The following ELSPBP1 variants were observed in gnomAD, a reference collection of about 807,000 sequenced individuals.
The protein encoded by ELSPBP1 is epididymal sperm-binding protein 1.
ELSPBP1 carries 38 observed loss-of-function variants against 33.3 expected under a neutral mutation model. That is an observed-to-expected ratio of 1.14 (90% CI 0.88 to 1.50). The LOEUF is 1.50. Ranked by LOEUF, ELSPBP1 falls within the 40% of genes most tolerant of loss-of-function variation. The pLI is 0.00. For synonymous variants in ELSPBP1, 85 were observed against 94.1 expected (o/e 0.90, Z 0.56); for missense variants, 267 against 263.5 (o/e 1.01, Z -0.09).
intron 4 of ELSPBP1, among the ~76,000 whole-genome samples, chr19:48,019,078 C>T (rs533241455): frequency 3.3e-5 from 5 of 152,150 alleles, no homozygotes; most frequent in East Asian, 1.9e-4. Context: ...CTCTTGAACC[C>T]GGGAAGTGGA....
chr19:48,016,917 C>T (rs951878462), intron 4 of ELSPBP1, among the ~76,000 whole-genome samples: 1 of 152,098 alleles, frequency 6.6e-6, no homozygotes, highest in Non-Finnish European at 1.5e-5. Context: ...CATTTCAATG[C>T]AGCCTAACAT....
chr19:48,019,822 C>T lies in ELSPBP1; in HGVS notation c.459C>T (p.Cys153=). ...AGGATGAAAGCAACAAGCTCTGGTGCCCAACCACAGAGAACATGGATAAGG... is the reference window on the plus strand; with the variant it reads ...AGGATGAAAGCAACAAGCTCTGGTGTCCAACCACAGAGAACATGGATAAGG... ...CMEDESNKLW[C]PTTENMDKDG... is the part of the protein sequence containing the mutation. The change falls in exon 5 of 7, where the codon TGC becomes TGT. Residue 153 remains cysteine (C), a synonymous_variant. Transcript: ENST00000339841. The T allele has an allele frequency of 6.2e-7, 1 of 1,613,976 alleles. No homozygotes were observed. Among genetic ancestry groups the T allele is most frequent in the Non-Finnish European group, 8.5e-7 (1 of 1,179,986 alleles).
intron 4 of ELSPBP1, among the ~76,000 whole-genome samples, chr19:48,016,920 C>A (rs895086184): frequency 6.6e-6 from 1 of 152,108 alleles, no homozygotes; most frequent in Admixed American, 6.6e-5. Context: ...TTCAATGCAG[C>A]CTAACATCAT....
intron 6 of ELSPBP1, among the ~76,000 whole-genome samples, chr19:48,024,036 A>ATTTTTT (rs111833936): frequency 1.5e-5 from 2 of 131,912 alleles, no homozygotes; most frequent in Non-Finnish European, 1.6e-5. Flanking sequence ...ATGCCCAGCA[A>ATTTTTT]TTTTTTTTTT....
At chr19:48,005,382 A>G (rs903356896) in intron 1 of ELSPBP1, among the ~76,000 whole-genome samples, 9 of 152,170 alleles carry the variant, frequency 5.9e-5, no homozygotes, top group African/African-American at 2.2e-4. Flanking sequence ...AAAAGCGGAT[A>G]GATTCAGGAG....
intron 4 of ELSPBP1, among the ~76,000 whole-genome samples, chr19:48,018,072 T>C (rs552834970): frequency 3.9e-5 from 6 of 152,152 alleles, no homozygotes; most frequent in Non-Finnish European, 8.8e-5. Context: ...CAAGAAGAGA[T>C]ACCTTTTAGC....
At chr19:48,008,368 G>A (rs1967043554) in intron 1 of ELSPBP1, among the ~76,000 whole-genome samples, 1 of 152,096 alleles carries the variant, frequency 6.6e-6, no homozygotes, top group African/African-American at 2.4e-5. Context: ...GAATAGCTGG[G>A]ACCACAGGCA....
chr19:48,014,006 C>T (rs778970574), intron 2 of ELSPBP1, among the ~76,000 whole-genome samples, 165 bp from the exon 3 acceptor site: 6 of 152,126 alleles, frequency 3.9e-5, no homozygotes, highest in African/African-American at 1.2e-4. Context: ...CCAAAGGCCC[C>T]TCGTACCATG....
intron 1 of ELSPBP1, among the ~76,000 whole-genome samples, chr19:48,005,942 A>G (rs60764771): frequency 0.14 from 21,508 of 151,984 alleles, 1,924 homozygotes; most frequent in East Asian, 0.35. Context: ...GTAGCACTCA[A>G]TGAGTTTTAT....
In ELSPBP1 at chr19:47,995,841, T is replaced by C. The variant is rs115886210; in HGVS notation, c.-18+1030T>C. ...TTCCCAAGGCCACCCAGTTGAAACA[T>C]GGGAGAGGTAGGATTTGAACCCTGG... On this transcript the variant is annotated intron_variant, in intron 1 of 6. Coordinates refer to ENST00000339841, the MANE Select transcript of ELSPBP1 (RefSeq NM_022142.5). 3.9e-3 allele frequency among the ~76,000 whole-genome samples: 591 copies of C among 152,204 alleles called. 1 individual carries two copies. Among genetic ancestry groups the C allele is most frequent in the African/African-American group, 0.014 (564 of 41,534 alleles).
chr19:48,013,754 T>C (rs1967101180), intron 2 of ELSPBP1, among the ~76,000 whole-genome samples: 1 of 151,382 alleles, frequency 6.6e-6, no homozygotes, highest in South Asian at 2.1e-4. Flanking sequence ...ATTTAAAAAG[T>C]ACCATTGACT....
At chr19:48,000,049 C>A (rs1440829008) in intron 1 of ELSPBP1, among the ~76,000 whole-genome samples, 1 of 151,960 alleles carries the variant, frequency 6.6e-6, no homozygotes, top group African/African-American at 2.4e-5. Flanking sequence ...TGGTCTTGAA[C>A]TCCTGAACAC....
At chr19:48,009,529 G>A (rs560519790) in intron 2 of ELSPBP1, among the ~76,000 whole-genome samples, 1 of 152,300 alleles carries the variant, frequency 6.6e-6, no homozygotes, top group South Asian at 2.1e-4. Context: ...GCCTTGGTGA[G>A]TCATTCTTCA....
chr19:47,997,901 T>C (rs1966926048), intron 1 of ELSPBP1, among the ~76,000 whole-genome samples: 1 of 152,170 alleles, frequency 6.6e-6, no homozygotes, highest in South Asian at 2.1e-4. Flanking sequence ...TGGAAAGAAG[T>C]CTCCTATTTA....
intron 2 of ELSPBP1, among the ~76,000 whole-genome samples, chr19:48,010,583 T>G (rs12981264): frequency 0.17 from 25,452 of 152,172 alleles, 2,198 homozygotes; most frequent in South Asian, 0.23. Context: ...AGAGATTGAC[T>G]CTGAGTATTA....
At chr19:48,008,965 A>G (rs944013910) in intron 2 of ELSPBP1, among the ~76,000 whole-genome samples, 2 of 152,056 alleles carry the variant, frequency 1.3e-5, no homozygotes, top group South Asian at 2.1e-4. Flanking sequence ...GTGAAACCCC[A>G]TCTCTACTAA....
chr19:48,008,683 AG>A lies in ELSPBP1; in HGVS notation c.17del (p.Ser6IlefsTer90), dbSNP rs1444554663. 2.5e-6 allele frequency: 4 copies of A among 1,613,990 alleles called. No homozygotes were observed. The African/African-American group carries it at 5.3e-5, about 22-fold the overall frequency. ...GGCAGCCAAGATGACCCGATGGTCCAGTTACCTGTTGGGATGGACAACCTTC... is the reference window on the plus strand; with the variant it reads ...GGCAGCCAAGATGACCCGATGGTCCATTACCTGTTGGGATGGACAACCTTC... MTRWS[S>X]YLLGWTTFLL... On this transcript the variant is annotated frameshift_variant, in exon 2 of 7. Coordinates refer to ENST00000339841, the MANE Select transcript of ELSPBP1 (RefSeq NM_022142.5). LOFTEE classifies it high-confidence loss of function.
At chr19:48,022,647 G>T (rs1967214582) in intron 6 of ELSPBP1, among the ~76,000 whole-genome samples, 1 of 152,148 alleles carries the variant, frequency 6.6e-6, no homozygotes, top group Admixed American at 6.5e-5. Context: ...AACTTTTTCA[G>T]ACCCAGGAAG....
chr19:47,994,869 T>G (rs183131440), intron 1 of ELSPBP1, 58 bp downstream of exon 1: 1 of 152,088 alleles, frequency 6.6e-6, no homozygotes, highest in Non-Finnish European at 1.5e-5. Flanking sequence ...AGGGCCCCCA[T>G]AGCAAAGAAG....
Sources: allele counts gnomAD v4.1 joint callset (sites outside exome capture counted in the v4.1 genomes callset), GRCh38; gene constraint gnomAD v4.1.1; transcripts MANE v1.5; gene names NCBI Gene and HGNC (gene_info 2026-07-23, HGNC 2026-07-21).